The following NAALADL2 variants were observed in gnomAD, a reference collection of about 807,000 sequenced individuals.
The protein encoded by NAALADL2 is N-acetylated alpha-linked acidic dipeptidase like 2, also known as inactive N-acetylated-alpha-linked acidic dipeptidase-like protein 2.
Under a neutral mutation model 87.2 loss-of-function variants are expected in NAALADL2, and 76 were observed. That is an observed-to-expected ratio of 0.87 (90% CI 0.72 to 1.05). The LOEUF (loss-of-function observed/expected upper bound fraction) is 1.05, where lower values mean the gene tolerates loss of function less well. NAALADL2 is among the 50% of genes least tolerant of loss of function. The pLI, the probability that NAALADL2 is intolerant of heterozygous loss-of-function variation, is 0.00. For missense variants in NAALADL2, 1,089 were observed against 945.8 expected (o/e 1.15, Z -1.99); for synonymous variants, 354 against 331.0 (o/e 1.07, Z -0.75).
At position 174,629,929 on chromosome 3, in the gene NAALADL2, G is replaced by A. The variant is rs577415974; in HGVS notation, c.-115+79292G>A. 2.6e-5 allele frequency among the ~76,000 whole-genome samples: 4 copies of A among 152,266 alleles called. No individual in the cohort carries two copies. The South Asian group carries it at 8.3e-4, about 32-fold the overall frequency. On this transcript the variant is annotated intron_variant, in intron 2 of 3. Transcript: ENST00000434257. ...GCTTTGGAATTTTGAAGTTGAAAGG[G>A]TAGCTTATTAGCGTAATGTTGTGCA...
rs1227516210 is a variant in NAALADL2 at position 175,576,206 on chromosome 3, TG to T, written c.1800+20del. The stretch of plus-strand genomic sequence containing the variant: ...ATTAGAGGTGATTGTTCCTAAAAAA[TG>T]CAAAACACACACACACAATATAGTA... On this transcript the variant is annotated intron_variant, in intron 10 of 13. Transcript: ENST00000454872. 1.9e-6 allele frequency: 3 copies of T among 1,606,618 alleles called. No individual in the cohort carries two copies. The highest frequency in any genetic ancestry group is 2.5e-6 in the Non-Finnish European group (3 of 1,176,682).
intron 1 of NAALADL2, among the ~76,000 whole-genome samples, chr3:174,956,465 C>A (rs189170206): frequency 1.3e-5 from 2 of 151,950 alleles, no homozygotes; most frequent in Non-Finnish European, 2.9e-5. Flanking sequence ...TTTATTTAGC[C>A]CCTATGGGCC....
chr3:174,588,284 G>A (rs1322288373), intron 2 of NAALADL2, among the ~76,000 whole-genome samples: 1 of 152,046 alleles, frequency 6.6e-6, no homozygotes, highest in Admixed American at 6.6e-5. Flanking sequence ...ATTTTTTCAA[G>A]GTTTTTAGCT....
chr3:174,912,797 G>A (rs1255721431), intron 1 of NAALADL2, among the ~76,000 whole-genome samples: 2 of 152,012 alleles, frequency 1.3e-5, no homozygotes, highest in African/African-American at 2.4e-5. Flanking sequence ...AATTCCCTGG[G>A]GCTTCCCTGT....
At chr3:175,004,870 C>CA (rs11386928) in intron 1 of NAALADL2, among the ~76,000 whole-genome samples, 34,562 of 143,822 alleles carry the variant, frequency 0.24, 4,798 homozygotes, top group African/African-American at 0.4. Context: ...ATTCCAAAAT[C>CA]AAAAAAAAAA....
At chr3:174,941,130 T>C (rs539648160) in intron 1 of NAALADL2, among the ~76,000 whole-genome samples, 9 of 152,224 alleles carry the variant, frequency 5.9e-5, no homozygotes, top group African/African-American at 1.7e-4. Flanking sequence ...CTTTTTGATG[T>C]GGGCATTTAA....
intron 1 of NAALADL2, among the ~76,000 whole-genome samples, chr3:174,924,043 A>G (rs921158873): frequency 9.9e-5 from 15 of 152,276 alleles, no homozygotes; most frequent in Middle Eastern, 6.8e-3. Context: ...TTACTTGTTC[A>G]GGAATGTTAT....
chr3:174,548,053 C>T (rs2108484187), intron 1 of NAALADL2, among the ~76,000 whole-genome samples: 1 of 152,276 alleles, frequency 6.6e-6, no homozygotes, highest in East Asian at 1.9e-4. Context: ...GTATCAACAG[C>T]TTTTAAAAAG....
intron 5 of NAALADL2, among the ~76,000 whole-genome samples, chr3:175,326,307 A>C (rs1280700462): frequency 6.6e-6 from 1 of 152,190 alleles, no homozygotes; most frequent in Non-Finnish European, 1.5e-5. Flanking sequence ...TTCTGTTAAC[A>C]TTCTGATCAT....
chr3:175,477,310 C>T (rs758891045), intron 9 of NAALADL2, among the ~76,000 whole-genome samples: 1 of 152,144 alleles, frequency 6.6e-6, no homozygotes, highest in African/African-American at 2.4e-5. Context: ...CTAACACTTT[C>T]GAACCTGACT....
At chr3:174,790,752 A>G (rs1476989931) in intron 3 of NAALADL2, among the ~76,000 whole-genome samples, 1 of 152,190 alleles carries the variant, frequency 6.6e-6, no homozygotes, top group Non-Finnish European at 1.5e-5. Context: ...TAAGTTGTAA[A>G]TCATTAACAT....
intron 13 of NAALADL2, among the ~76,000 whole-genome samples, chr3:175,775,391 A>G (rs1469673189): frequency 6.6e-6 from 1 of 152,106 alleles, no homozygotes; most frequent in Middle Eastern, 3.2e-3. Flanking sequence ...TTGTAATAAT[A>G]GTAGTTATTA....
At chr3:174,899,199 A>G (rs1223364202) in intron 1 of NAALADL2, among the ~76,000 whole-genome samples, 2 of 152,206 alleles carry the variant, frequency 1.3e-5, no homozygotes, top group Admixed American at 6.5e-5. Flanking sequence ...TTATGCTATT[A>G]TTATCACTAT....
intron 4 of NAALADL2, among the ~76,000 whole-genome samples, chr3:175,301,131 C>T (rs979732618): frequency 3.3e-5 from 5 of 152,006 alleles, no homozygotes; most frequent in African/African-American, 1.2e-4. Context: ...TATGTCTTGT[C>T]CTCTGCTAGC....
At chr3:175,264,758 T>C (rs1751645257) in intron 4 of NAALADL2, among the ~76,000 whole-genome samples, 2 of 151,718 alleles carry the variant, frequency 1.3e-5, no homozygotes, top group African/African-American at 4.8e-5. Flanking sequence ...AGTGTTTATT[T>C]TTATGCATAT....
At chr3:175,013,192 A>ATTACATATT (rs1560475619) in intron 1 of NAALADL2, among the ~76,000 whole-genome samples, 9 of 65,922 alleles carry the variant, frequency 1.4e-4, no homozygotes, top group Admixed American at 6.1e-4. Flanking sequence ...ATATAAATAT[A>ATTACATATT]TATACATAAA....
At chr3:174,808,355 G>A (rs1579017177) in intron 3 of NAALADL2, among the ~76,000 whole-genome samples, 1 of 152,172 alleles carries the variant, frequency 6.6e-6, no homozygotes, top group African/African-American at 2.4e-5. Context: ...AGTGGGTTAT[G>A]CCCAGATGAA....
intron 3 of NAALADL2, among the ~76,000 whole-genome samples, chr3:174,750,653 C>T (rs975939336): frequency 4.6e-5 from 7 of 152,022 alleles, no homozygotes; most frequent in Non-Finnish European, 5.9e-5. Flanking sequence ...AGGCTAGTCT[C>T]GAACTCCTGA....
intron 3 of NAALADL2, among the ~76,000 whole-genome samples, chr3:174,834,744 T>C (rs906308365): frequency 1.6e-4 from 24 of 151,956 alleles, no homozygotes; most frequent in African/African-American, 5.5e-4. Context: ...AGAAAAAATA[T>C]ATGACTCATA....
Sources: gnomAD v4.1 joint callset for allele counts (sites outside exome capture counted in the v4.1 genomes callset) on GRCh38, gnomAD v4.1.1 for gene constraint, MANE v1.5 for transcripts, NCBI Gene and HGNC (gene_info 2026-07-23, HGNC 2026-07-21) for gene names.